The following STX8 variants were observed in gnomAD, a reference collection of about 807,000 sequenced individuals.
STX8 encodes syntaxin 8.
Under a neutral mutation model 37.5 loss-of-function variants are expected in STX8, and 23 were observed. That is an observed-to-expected ratio of 0.61 (90% confidence interval 0.44 to 0.87). The LOEUF (loss-of-function observed/expected upper bound fraction) is 0.87, where lower values mean the gene tolerates loss of function less well. Ranked by LOEUF, STX8 falls within the 40% of genes least tolerant of loss-of-function variation. The pLI, the probability that STX8 is intolerant of heterozygous loss-of-function variation, is 0.00. For missense variants in STX8, 313 were observed against 284.7 expected (o/e 1.10, Z -0.71); for synonymous variants, 115 against 99.1 (o/e 1.16, Z -0.95).
chr17:9,337,545 T>C (rs1270600167), intron 7 of STX8, among the ~76,000 whole-genome samples: 1 of 152,238 alleles, frequency 6.6e-6, no homozygotes, highest in Non-Finnish European at 1.5e-5. Flanking sequence ...TTTTGTATTT[T>C]TAGTAGAGAC....
chr17:9,494,950 C>T (rs576160781), intron 5 of STX8, among the ~76,000 whole-genome samples: 3 of 152,186 alleles, frequency 2.0e-5, no homozygotes, highest in Non-Finnish European at 2.9e-5. Context: ...TTGTACCCCT[C>T]GCAGCTTCAT....
chr17:9,469,516 A>C (rs1905759513), intron 6 of STX8, among the ~76,000 whole-genome samples: 1 of 152,178 alleles, frequency 6.6e-6, no homozygotes, highest in South Asian at 2.1e-4. Flanking sequence ...TCACCTTATT[A>C]ATGTACATCC....
intron 6 of STX8, among the ~76,000 whole-genome samples, chr17:9,413,847 T>C (rs1055031956): frequency 2.0e-5 from 3 of 151,626 alleles, no homozygotes; most frequent in African/African-American, 7.3e-5. Flanking sequence ...GCCACAAATA[T>C]ATGTACGTAT....
At chr17:9,357,003 T>C in intron 7 of STX8, among the ~76,000 whole-genome samples, 1 of 141,478 alleles carries the variant, frequency 7.1e-6, no homozygotes, top group Non-Finnish European at 1.5e-5. Flanking sequence ...AGTCTTGCTC[T>C]GTCACCCCGG....
chr17:9,285,591 C>A (rs1908045390), intron 7 of STX8, among the ~76,000 whole-genome samples: 1 of 152,198 alleles, frequency 6.6e-6, no homozygotes, highest in African/African-American at 2.4e-5. Flanking sequence ...AGATGCCCAT[C>A]TGTTCCTGCA....
chr17:9,279,160 C>T (rs1567765622), intron 7 of STX8, among the ~76,000 whole-genome samples: 1 of 151,746 alleles, frequency 6.6e-6, no homozygotes, highest in Non-Finnish European at 1.5e-5. Context: ...CGGGTTCAAG[C>T]AATTTTCCTG....
chr17:9,495,780 T>A (rs1447797087), intron 5 of STX8, among the ~76,000 whole-genome samples: 1 of 152,234 alleles, frequency 6.6e-6, no homozygotes, highest in African/African-American at 2.4e-5. Context: ...AATAATCACA[T>A]TCATAACCTG....
chr17:9,541,942 C>A (rs12948896), intron 4 of STX8, among the ~76,000 whole-genome samples: 52,705 of 151,888 alleles, frequency 0.35, 9,330 homozygotes, highest in South Asian at 0.43. Flanking sequence ...AGCCTTACTG[C>A]TGCCCAGGCC....
At chr17:9,483,682 A>G (rs1906446691) in intron 6 of STX8, among the ~76,000 whole-genome samples, 1 of 152,164 alleles carries the variant, frequency 6.6e-6, no homozygotes, top group Non-Finnish European at 1.5e-5. Context: ...TCCTTTAAGG[A>G]GCACAGTCAT....
Position 9,471,031 on chromosome 17 carries a change from C to CTTTTTTTTTTTTTTTTT in STX8, c.541+20781_541+20797dup, listed in dbSNP as rs757411419. Among the ~76,000 whole-genome samples, 96 of 33,056 alleles carry CTTTTTTTTTTTTTTTTT rather than the reference C, an allele frequency of 2.9e-3. 23 individuals are homozygous for CTTTTTTTTTTTTTTTTT. The highest frequency in any genetic ancestry group is 3.9e-3 in the African/African-American group (35 of 9,062). 21.7% of individuals were successfully genotyped at this position (33,056 alleles called of 152,430 possible). ...TACAGGCGTGAGCCACTGCATCCTGCTTTTTTTTTTTTTTTTTTTTTTTGA... is the reference window on the plus strand; with the variant it reads ...TACAGGCGTGAGCCACTGCATCCTGCTTTTTTTTTTTTTTTTTTTTTTTTTTTTTTTTTTTTTTTTGA... On this transcript the variant is annotated intron_variant, in intron 6 of 7. Transcript: ENST00000306357.
At chr17:9,511,786 G>T (rs1213888693) in intron 4 of STX8, among the ~76,000 whole-genome samples, 2 of 152,078 alleles carry the variant, frequency 1.3e-5, no homozygotes, top group Admixed American at 1.3e-4. Flanking sequence ...TTGGAAAGGA[G>T]AAAGTCAAAT....
At chr17:9,568,739 A>G (rs1907563412) in intron 1 of STX8, among the ~76,000 whole-genome samples, 1 of 152,130 alleles carries the variant, frequency 6.6e-6, no homozygotes, top group Non-Finnish European at 1.5e-5. Flanking sequence ...TGACCTCGTG[A>G]TCCGCCCCCT....
intron 4 of STX8, among the ~76,000 whole-genome samples, chr17:9,534,335 G>GAAACAAAC (rs149008719): frequency 1.3e-5 from 2 of 151,596 alleles, no homozygotes; most frequent in African/African-American, 2.4e-5. Context: ...ATGCCTTGGA[G>GAAACAAAC]AAACAAACAA....
intron 7 of STX8, among the ~76,000 whole-genome samples, chr17:9,265,733 C>A (rs913112971): frequency 6.6e-6 from 1 of 152,204 alleles, no homozygotes; most frequent in East Asian, 1.9e-4. Context: ...CTGTTCTAGG[C>A]ACTGGGGCTG....
chr17:9,260,504 A>G (rs1007745128), intron 7 of STX8, among the ~76,000 whole-genome samples: 11 of 152,110 alleles, frequency 7.2e-5, no homozygotes, highest in African/African-American at 1.9e-4. Context: ...CACGCCTGTA[A>G]TCCCACCTAC....
chr17:9,374,927 G>A (rs913363156), intron 7 of STX8, among the ~76,000 whole-genome samples: 1 of 151,752 alleles, frequency 6.6e-6, no homozygotes, highest in Non-Finnish European at 1.5e-5. Context: ...AGCTGGGTGT[G>A]GTGGTGCACG....
At chr17:9,485,281 T>C (rs1906537847) in intron 6 of STX8, among the ~76,000 whole-genome samples, 2 of 152,128 alleles carry the variant, frequency 1.3e-5, no homozygotes, top group African/African-American at 2.4e-5. Context: ...CAGACTCTAG[T>C]GATCTTTAGG....
At chr17:9,407,295 CTGGGAT>C (rs1356884752) in intron 6 of STX8, among the ~76,000 whole-genome samples, 1 of 152,142 alleles carries the variant, frequency 6.6e-6, no homozygotes, top group African/African-American at 2.4e-5. Flanking sequence ...TCCCAAAGTG[CTGGGAT>C]TAAAGGCATG....
At chr17:9,484,395 A>C (rs1567580710) in intron 6 of STX8, among the ~76,000 whole-genome samples, 1 of 151,980 alleles carries the variant, frequency 6.6e-6, no homozygotes, top group African/African-American at 2.4e-5. Context: ...AAAAAAAAAA[A>C]AAAAAAAGTC....
Sources: gnomAD v4.1 joint callset for allele counts (sites outside exome capture counted in the v4.1 genomes callset) on GRCh38, gnomAD v4.1.1 for gene constraint, MANE v1.5 for transcripts, NCBI Gene and HGNC (gene_info 2026-07-23, HGNC 2026-07-21) for gene names.